LRBA: variants seen among roughly 807,000 people sequenced by gnomAD.
LRBA encodes lipopolysaccharide-responsive and beige-like anchor protein.
Under a neutral mutation model 330.0 loss-of-function variants are expected in LRBA, and 176 were observed. The ratio of observed to expected loss-of-function variants is 0.53; its 90% CI spans 0.47 to 0.60. The LOEUF is 0.60. LRBA is among the 20% of genes least tolerant of loss of function. The pLI, the probability that LRBA is intolerant of heterozygous loss-of-function variation, is 0.00. For missense variants in LRBA, 3,259 were observed against 3,444.8 expected, an observed-to-expected ratio of 0.95 and a Z score of 1.35; for synonymous variants, 1,230 against 1,193.0, an observed-to-expected ratio of 1.03 and a Z score of -0.64.
chr4:150,361,768 A>T (rs962301025), intron 47 of LRBA, among the ~76,000 whole-genome samples: 3 of 131,160 alleles, frequency 2.3e-5, no homozygotes, highest in Non-Finnish European at 1.6e-5. Flanking sequence ...TGCCCATCAT[A>T]CTACTTTTTT....
intron 35 of LRBA, among the ~76,000 whole-genome samples, chr4:150,748,922 T>G (rs1266353840): frequency 6.6e-6 from 1 of 152,106 alleles, no homozygotes; most frequent in African/African-American, 2.4e-5. Flanking sequence ...GTGCTCAAAG[T>G]GCCATCTTAG....
intron 2 of LRBA, among the ~76,000 whole-genome samples, chr4:150,995,725 A>G (rs1490211604): frequency 6.6e-6 from 1 of 152,168 alleles, no homozygotes; most frequent in Non-Finnish European, 1.5e-5. Context: ...ACAAGGAAGA[A>G]AAGTGGGAAG....
chr4:150,877,302 A>G (rs1383410119), intron 17 of LRBA, among the ~76,000 whole-genome samples: 1 of 151,468 alleles, frequency 6.6e-6, no homozygotes, highest in Non-Finnish European at 1.5e-5. Flanking sequence ...ATATAACACC[A>G]CTCATAGGCT....
At chr4:150,802,652 A>T (rs888530029) in intron 33 of LRBA, among the ~76,000 whole-genome samples, 1 of 152,182 alleles carries the variant, frequency 6.6e-6, no homozygotes, top group Admixed American at 6.5e-5. Flanking sequence ...ATCAGGCTAC[A>T]GGTGATTCCA....
chr4:150,392,848 G>A (rs147849783), intron 47 of LRBA, among the ~76,000 whole-genome samples: 2,582 of 150,630 alleles, frequency 0.017, 34 homozygotes, highest in Non-Finnish European at 0.029. Flanking sequence ...AGGGCCTATC[G>A]AGGGGTGGGG....
chr4:150,697,765 T>TA (rs1165550859), intron 36 of LRBA, among the ~76,000 whole-genome samples: 17 of 152,136 alleles, frequency 1.1e-4, no homozygotes, highest in African/African-American at 3.9e-4. Context: ...CACACCTGAA[T>TA]ATTAACTGGG....
intron 44 of LRBA, among the ~76,000 whole-genome samples, chr4:150,442,460 A>G (rs1307576129): frequency 6.6e-6 from 1 of 152,210 alleles, no homozygotes; most frequent in Non-Finnish European, 1.5e-5. Context: ...GGACTGCTTT[A>G]CAACCCTGCT....
At chr4:150,811,746 T>C (rs1466984651) in intron 31 of LRBA, among the ~76,000 whole-genome samples, 1 of 152,088 alleles carries the variant, frequency 6.6e-6, no homozygotes, top group Non-Finnish European at 1.5e-5. Context: ...TTCAGGTGAT[T>C]CTTCCACCCC....
chr4:150,441,212 G>A (rs764197636), intron 44 of LRBA, among the ~76,000 whole-genome samples: 3 of 151,896 alleles, frequency 2.0e-5, no homozygotes, highest in Non-Finnish European at 2.9e-5. Flanking sequence ...GGATCTATTA[G>A]GAAAGACCGT....
intron 53 of LRBA, among the ~76,000 whole-genome samples, chr4:150,297,121 T>A (rs1174094690): frequency 7.0e-6 from 1 of 142,004 alleles, no homozygotes; most frequent in Non-Finnish European, 1.6e-5. Context: ...TCTGAGGGTA[T>A]AAATCATCAA....
At chr4:150,559,514 T>C (rs910891624) in intron 40 of LRBA, among the ~76,000 whole-genome samples, 2 of 139,118 alleles carry the variant, frequency 1.4e-5, no homozygotes, top group African/African-American at 5.4e-5. Flanking sequence ...TGAGACTCCA[T>C]CTCAAAAAAA....
At chr4:150,435,382 A>C (rs1037406783) in intron 46 of LRBA, among the ~76,000 whole-genome samples, 7 of 151,888 alleles carry the variant, frequency 4.6e-5, no homozygotes, top group Non-Finnish European at 7.4e-5. Flanking sequence ...AACAAAAACA[A>C]AACAATAACA....
intron 37 of LRBA, among the ~76,000 whole-genome samples, chr4:150,603,930 G>T (rs1048896729): frequency 2.6e-5 from 4 of 151,832 alleles, no homozygotes; most frequent in African/African-American, 9.7e-5. Context: ...TATTTCCTAG[G>T]CCCTTTATGG....
chr4:150,487,632 C>T, intron 42 of LRBA, 100 bp downstream of exon 42: 1 of 559,422 alleles, frequency 1.8e-6, no homozygotes, highest in Admixed American at 2.7e-5. Flanking sequence ...TAAGTGAGAA[C>T]ATTAATACAG....
At position 150,870,618 on chromosome 4, in the gene LRBA, A is replaced by G. The variant is rs772307278; in HGVS notation, c.2368-12T>C. The G allele has an allele frequency of 4.7e-6, 6 of 1,280,666 alleles. No individual in the cohort carries two copies. The South Asian group carries it at 6.0e-5, about 13-fold the overall frequency. The allele number at this position is 1,280,666 out of a possible 1,614,324, so 79.3% of individuals were successfully genotyped here. A position where few individuals can be genotyped will look rare whatever the true frequency, so the allele number is the denominator to read the frequency against. ...TGTTCTATAAGAATCTACAGAAGTAAAACAATGGATTACATTAGCAAATCA... is the reference window on the plus strand; with the variant it reads ...TGTTCTATAAGAATCTACAGAAGTAGAACAATGGATTACATTAGCAAATCA... On this transcript the variant is annotated splice_polypyrimidine_tract_variant and intron_variant, in intron 19 of 56. Transcript: ENST00000651943.
intron 37 of LRBA, among the ~76,000 whole-genome samples, chr4:150,653,520 G>C (rs1218652242): frequency 2.0e-5 from 3 of 152,126 alleles, no homozygotes; most frequent in Non-Finnish European, 4.4e-5. Context: ...GGTCCAGGCT[G>C]ACCTTGCCCA....
chr4:150,913,774 T>C (rs530992387), intron 9 of LRBA, among the ~76,000 whole-genome samples: 3 of 152,260 alleles, frequency 2.0e-5, no homozygotes, highest in Admixed American at 1.3e-4. Context: ...AAAATGTCCT[T>C]CTTTGTCTCT....
chr4:150,953,971 GCCACC>G (rs1737190542), intron 2 of LRBA, among the ~76,000 whole-genome samples: 1 of 141,434 alleles, frequency 7.1e-6, no homozygotes, highest in Non-Finnish European at 1.5e-5. Flanking sequence ...CCTCTGCCCC[GCCACC>G]CCGTCTGGGA....
At chr4:150,999,928 C>T (rs1388140616) in intron 2 of LRBA, among the ~76,000 whole-genome samples, 4 of 152,068 alleles carry the variant, frequency 2.6e-5, no homozygotes, top group African/African-American at 7.2e-5. Context: ...TTGCAAGACC[C>T]CTAGTGGATA....
Sources: gnomAD v4.1 joint callset for allele counts (sites outside exome capture counted in the v4.1 genomes callset) on GRCh38, gnomAD v4.1.1 for gene constraint, MANE v1.5 for transcripts, NCBI Gene and HGNC (gene_info 2026-07-23, HGNC 2026-07-21) for gene names.